The following DLGAP2 variants were observed in gnomAD, a reference collection of about 807,000 sequenced individuals.
DLGAP2 encodes DLG associated protein 2.
A neutral mutation model predicts 100.3 loss-of-function variants in DLGAP2; 26 were observed. The observed-to-expected ratio is 0.26, with a 90% confidence interval of 0.19 to 0.36. DLGAP2 has a LOEUF of 0.36. DLGAP2 is among the 10% of genes least tolerant of loss of function. The pLI is 1.00. For missense variants in DLGAP2, 1,858 were observed against 1,453.2 expected (o/e 1.28, Z -4.53); for synonymous variants, 886 against 630.1 (o/e 1.41, Z -6.08).
At chr8:1,226,719 G>A (rs1002477067) in intron 2 of DLGAP2, among the ~76,000 whole-genome samples, 3 of 152,104 alleles carry the variant, frequency 2.0e-5, no homozygotes, top group African/African-American at 7.2e-5. Flanking sequence ...CTGAGGATTA[G>A]TGATGTTGAG....
chr8:830,863 C>A (rs73181047), intron 1 of DLGAP2, among the ~76,000 whole-genome samples: 5,008 of 149,240 alleles, frequency 0.034, 130 homozygotes, highest in Middle Eastern at 0.088. Flanking sequence ...CTTTCTTTGC[C>A]AACAAACCCT....
At chr8:1,562,121 C>G (rs867811259) in intron 5 of DLGAP2, among the ~76,000 whole-genome samples, 1 of 9,796 alleles carries the variant, frequency 1.0e-4, no homozygotes, top group Non-Finnish European at 1.9e-4. Flanking sequence ...GTTGGGTGTC[C>G]GCGCCTCGTT....
chr8:1,570,433 C>G (rs1209492832), intron 6 of DLGAP2, among the ~76,000 whole-genome samples: 2 of 152,270 alleles, frequency 1.3e-5, no homozygotes, highest in Admixed American at 6.5e-5. Flanking sequence ...TAACGTGTAG[C>G]AGGTGAATAT....
At chr8:909,262 A>G (rs537027941) in intron 2 of DLGAP2, among the ~76,000 whole-genome samples, 2 of 152,358 alleles carry the variant, frequency 1.3e-5, no homozygotes, top group South Asian at 2.1e-4. Flanking sequence ...TGTATGAAAA[A>G]GTCACATGTG....
chr8:1,297,366 G>C (rs1178163635), intron 3 of DLGAP2: 2 of 152,410 alleles, frequency 1.3e-5, no homozygotes, highest in Non-Finnish European at 1.5e-5. Context: ...CTAAGAACCA[G>C]AGCTTCAGTG....
Position 1,345,902 on chromosome 8 carries a change from G to T in DLGAP2, c.106+87019G>T, listed in dbSNP as rs550243400. Among the ~76,000 whole-genome samples the T allele has an allele frequency of 2.6e-5, 4 of 152,302 alleles. No individual in the cohort carries two copies. In the East Asian group the frequency reaches 7.7e-4, roughly 29 times the overall value. On this transcript the variant is annotated intron_variant, in intron 3 of 14. Coordinates refer to ENST00000637795, the MANE Select transcript of DLGAP2 (RefSeq NM_001346810.2). ...GCCCTATAGGAAGGAAGCAAACTCG[G>T]GGACGTGAAGTGACTCCAGGCAGGA...
At chr8:1,653,230 C>T (rs1037048478) in intron 8 of DLGAP2, among the ~76,000 whole-genome samples, 2 of 151,778 alleles carry the variant, frequency 1.3e-5, no homozygotes, top group Non-Finnish European at 2.9e-5. Flanking sequence ...GGCCTGGAGA[C>T]ACGGGCAGCA....
Position 1,227,870 on chromosome 8 carries a change from A to G in DLGAP2, c.74-30981A>G, listed in dbSNP as rs545918832. Reference sequence around the variant, plus strand: ...CTAATAAAATTGAACTGTATTTGGAATTATTTATTGCTAAATTAGTACGTC... The same window carrying G: ...CTAATAAAATTGAACTGTATTTGGAGTTATTTATTGCTAAATTAGTACGTC... On this transcript the variant is annotated intron_variant, in intron 2 of 14. Coordinates refer to ENST00000637795, the MANE Select transcript of DLGAP2 (RefSeq NM_001346810.2). 3.3e-5 allele frequency among the ~76,000 whole-genome samples: 5 copies of G among 152,316 alleles called. No individual in the cohort carries two copies. The South Asian group carries it at 1.0e-3, about 32-fold the overall frequency.
chr8:786,016 G>A (rs1356392639), intron 1 of DLGAP2, among the ~76,000 whole-genome samples: 1 of 152,264 alleles, frequency 6.6e-6, no homozygotes, highest in Non-Finnish European at 1.5e-5. Flanking sequence ...AGGGCTGTGA[G>A]CCTTTTCTGC....
At chr8:969,312 C>T (rs1007096746) in intron 2 of DLGAP2, among the ~76,000 whole-genome samples, 24 of 152,094 alleles carry the variant, frequency 1.6e-4, no homozygotes, top group Non-Finnish European at 3.1e-4. Context: ...TCCCGCTGGC[C>T]GACACACTCT....
intron 2 of DLGAP2, among the ~76,000 whole-genome samples, chr8:1,106,082 T>G (rs1804755982): frequency 6.7e-6 from 1 of 149,052 alleles, no homozygotes; most frequent in Admixed American, 6.7e-5. Context: ...GGGGAGCCAT[T>G]CTAGGAGGGT....
chr8:1,070,066 C>A (rs370773082), intron 2 of DLGAP2, among the ~76,000 whole-genome samples: 3 of 152,208 alleles, frequency 2.0e-5, no homozygotes, highest in African/African-American at 4.8e-5. Context: ...TTCAAACATT[C>A]TTTTCTCCAA....
At chr8:1,113,846 C>G (rs187622951) in intron 2 of DLGAP2, among the ~76,000 whole-genome samples, 2 of 152,254 alleles carry the variant, frequency 1.3e-5, no homozygotes, top group South Asian at 4.2e-4. Flanking sequence ...TCATAGATGG[C>G]TCTTAATATT....
rs191507995 is a variant in DLGAP2, at chr8:1,533,938, G to A, written c.173-14688G>A. Among the ~76,000 whole-genome samples, 3 of 152,318 alleles carry A rather than the reference G, an allele frequency of 2.0e-5. No individual in the cohort carries two copies. In the East Asian group the frequency reaches 5.8e-4, roughly 29 times the overall value. ...CCACTGCACTCCAGACTGGGCAGCA[G>A]AGCAAGACTTTATCTAAAAAAATAA... On this transcript the variant is annotated intron_variant, in intron 4 of 14. Coordinates refer to ENST00000637795, the MANE Select transcript of DLGAP2 (RefSeq NM_001346810.2).
chr8:1,548,745 A>G lies in DLGAP2; in HGVS notation c.292A>G (p.Thr98Ala), dbSNP rs770161911. 1.2e-6 allele frequency: 2 copies of G among 1,605,790 alleles called. No homozygotes were observed. Among genetic ancestry groups the G allele is most frequent in the Non-Finnish European group, 1.7e-6 (2 of 1,177,778 alleles). Residue 98 changes from threonine (T) to alanine (A), a missense_variant, in exon 5 of 15, where the codon ACG (threonine) becomes GCG (alanine). Coordinates refer to ENST00000637795, the MANE Select transcript of DLGAP2 (RefSeq NM_001346810.2). ...RTQPPLCSGHTCGLAPPEDCE... is the reference protein window; with the variant it reads ...RTQPPLCSGHACGLAPPEDCE... ...CCAGCCGCCGCTGTGTTCCGGGCAC[A>G]CGTGTGGTCTGGCGCCCCCGGAGGA...
At chr8:1,227,183 A>ATATATATC (rs1563265070) in intron 2 of DLGAP2, among the ~76,000 whole-genome samples, 1 of 132,534 alleles carries the variant, frequency 7.5e-6, no homozygotes, top group African/African-American at 3.3e-5. Context: ...TAGTATAGAT[A>ATATATATC]TATATTATCC....
At chr8:1,373,538 C>G (rs1021741615) in intron 3 of DLGAP2, 2 of 152,252 alleles carry the variant, frequency 1.3e-5, no homozygotes, top group African/African-American at 4.8e-5. Flanking sequence ...TTGTTCTCTT[C>G]ACCAGAGAAT....
intron 1 of DLGAP2, among the ~76,000 whole-genome samples, chr8:755,357 C>A (rs76431632): frequency 2.6e-5 from 4 of 151,882 alleles, no homozygotes; most frequent in African/African-American, 7.3e-5. Flanking sequence ...CTCAGCTACT[C>A]GGGAGATGGG....
intron 3 of DLGAP2, among the ~76,000 whole-genome samples, chr8:1,344,675 C>CA (rs1234557947): frequency 2.0e-5 from 3 of 152,152 alleles, no homozygotes; most frequent in Non-Finnish European, 4.4e-5. Context: ...ATTCTCCACT[C>CA]AGTCTCCCGC....
Sources: allele counts gnomAD v4.1 joint callset (sites outside exome capture counted in the v4.1 genomes callset), GRCh38; gene constraint gnomAD v4.1.1; transcripts MANE v1.5; gene names NCBI Gene and HGNC (gene_info 2026-07-23, HGNC 2026-07-21).